The following MIB1 variants were observed in gnomAD, a reference collection of about 807,000 sequenced individuals.
MIB1 encodes the protein E3 ubiquitin-protein ligase MIB1.
In MIB1, 278 loss-of-function variants were observed where a neutral mutation model predicts 124.5. The observed-to-expected ratio is 2.23, with a 90% CI of 2.02 to 2.47. The LOEUF is 2.47. Among genes scored for constraint, MIB1 ranks in the 30% most tolerant of loss-of-function variants. MIB1 has a pLI of 0.00. For synonymous variants in MIB1, 446 were observed against 429.4 expected, an observed-to-expected ratio of 1.04 and a Z score of -0.48; for missense variants, 957 against 1,254.4, an observed-to-expected ratio of 0.76 and a Z score of 3.58.
chr18:21,756,356 A>G (rs2041030867), intron 1 of MIB1, among the ~76,000 whole-genome samples: 1 of 152,172 alleles, frequency 6.6e-6, no homozygotes, highest in African/African-American at 2.4e-5. Flanking sequence ...TTCATTCATC[A>G]CCTGTAAAAT....
intron 6 of MIB1, among the ~76,000 whole-genome samples, chr18:21,783,032 G>GT (rs1389141770): frequency 1.3e-5 from 2 of 152,034 alleles, no homozygotes; most frequent in Non-Finnish European, 2.9e-5. Flanking sequence ...ACTTTTGTCT[G>GT]TTTTTACAGT....
chr18:21,807,393 C>T (rs1179799516), intron 10 of MIB1, among the ~76,000 whole-genome samples: 1 of 152,176 alleles, frequency 6.6e-6, no homozygotes, highest in Non-Finnish European at 1.5e-5. Flanking sequence ...AATTGCACCA[C>T]TGCACTCCAG....
At chr18:21,794,579 T>G (rs2041552472) in intron 7 of MIB1, among the ~76,000 whole-genome samples, 1 of 151,910 alleles carries the variant, frequency 6.6e-6, no homozygotes, top group African/African-American at 2.4e-5. Flanking sequence ...AGAAAACAAT[T>G]TGAAACTAAA....
At chr18:21,708,114 G>C (rs1247418759) in intron 1 of MIB1, among the ~76,000 whole-genome samples, 1 of 152,156 alleles carries the variant, frequency 6.6e-6, no homozygotes, top group East Asian at 1.9e-4. Flanking sequence ...AGGGGCTAGG[G>C]CTCCAACATG....
intron 11 of MIB1, among the ~76,000 whole-genome samples, chr18:21,818,016 C>G (rs149921031): frequency 6.6e-6 from 1 of 152,268 alleles, no homozygotes; most frequent in Non-Finnish European, 1.5e-5. Context: ...ACTGCTAAGT[C>G]AATTGATTAA....
intron 9 of MIB1, among the ~76,000 whole-genome samples, chr18:21,802,069 T>C (rs1350725471): frequency 6.6e-6 from 1 of 152,310 alleles, no homozygotes; most frequent in East Asian, 1.9e-4. Context: ...AGTTTTAGAT[T>C]GGAATAGAGT....
chr18:21,836,255 C>T (rs879354521), intron 12 of MIB1, among the ~76,000 whole-genome samples: 53 of 150,318 alleles, frequency 3.5e-4, no homozygotes, highest in Non-Finnish European at 7.1e-4. Flanking sequence ...GAAACTTTGT[C>T]TCAGAAAAAA....
chr18:21,766,399 A>G (rs2041159904), intron 2 of MIB1, among the ~76,000 whole-genome samples: 1 of 152,208 alleles, frequency 6.6e-6, no homozygotes, highest in Non-Finnish European at 1.5e-5. Flanking sequence ...GGAGTTTACA[A>G]ATTAAAGGAA....
chr18:21,805,900 C>CT (rs35904303), intron 10 of MIB1, among the ~76,000 whole-genome samples: 5,246 of 105,076 alleles, frequency 0.05, 500 homozygotes, highest in African/African-American at 0.15. Context: ...TCTTTCTTTC[C>CT]TTTTTTTTTT....
At chr18:21,822,167 A>ATT (rs543101588) in intron 12 of MIB1, among the ~76,000 whole-genome samples, 28 of 152,340 alleles carry the variant, frequency 1.8e-4, no homozygotes, top group South Asian at 8.3e-4. Context: ...ATTACTTCAG[A>ATT]TTACAATGGT....
At chr18:21,761,396 T>C (rs2041096268) in intron 1 of MIB1, among the ~76,000 whole-genome samples, 1 of 152,202 alleles carries the variant, frequency 6.6e-6, no homozygotes, top group Non-Finnish European at 1.5e-5. Flanking sequence ...TTTTTTAAAA[T>C]TCACACTTTA....
intron 10 of MIB1, among the ~76,000 whole-genome samples, chr18:21,809,342 G>C (rs938587374): frequency 6.6e-6 from 1 of 151,974 alleles, no homozygotes; most frequent in Admixed American, 6.6e-5. Context: ...ATTTAAAAAA[G>C]AACTAATATT....
chr18:21,784,767 C>T (rs535400347), intron 6 of MIB1, among the ~76,000 whole-genome samples: 5 of 152,238 alleles, frequency 3.3e-5, no homozygotes, highest in South Asian at 2.1e-4. Context: ...CTAGTGGTAA[C>T]GCCAGTGCCT....
chr18:21,801,901 C>G (rs2041654429), intron 9 of MIB1, among the ~76,000 whole-genome samples: 1 of 152,098 alleles, frequency 6.6e-6, no homozygotes, highest in Admixed American at 6.6e-5. Context: ...GTTCCCTTCT[C>G]TTCTCTCCTG....
intron 7 of MIB1, among the ~76,000 whole-genome samples, chr18:21,795,198 G>A (rs2041558844): frequency 6.7e-6 from 1 of 148,516 alleles, no homozygotes; most frequent in African/African-American, 2.5e-5. Flanking sequence ...CAAAATATTA[G>A]GAAAGAGTAA....
chr18:21,734,478 T>TTCTCTCTCTC (rs60128500), intron 1 of MIB1, among the ~76,000 whole-genome samples: 4 of 149,106 alleles, frequency 2.7e-5, no homozygotes, highest in African/African-American at 7.5e-5. Flanking sequence ...CTCTCTCTCT[T>TTCTCTCTCTC]TCTCTCTCTC....
chr18:21,712,384 G>A (rs960935835), intron 1 of MIB1, among the ~76,000 whole-genome samples: 3 of 152,072 alleles, frequency 2.0e-5, no homozygotes, highest in Non-Finnish European at 2.9e-5. Context: ...CAACCAATAC[G>A]ATAGAGATAG....
At chr18:21,836,690 A>G (rs1026571242) in intron 12 of MIB1, among the ~76,000 whole-genome samples, 8 of 152,142 alleles carry the variant, frequency 5.3e-5, no homozygotes, top group African/African-American at 1.9e-4. Context: ...TTATTTTTAC[A>G]TTTTGTTTTT....
Position 21,849,125 on chromosome 18 carries a change from A to G in MIB1, c.2394-71A>G, listed in dbSNP as rs2042160066. 3.1e-6 allele frequency: 3 copies of G among 973,786 alleles called. No individual in the cohort carries two copies. The Admixed American group carries it at 7.6e-5, about 25-fold the overall frequency. The allele number at this position is 973,786 out of a possible 1,614,324, so 60.3% of individuals were successfully genotyped here. The stretch of plus-strand genomic sequence containing the variant: ...TATGTATACTAATGATGCTCCAGGT[A>G]TATTTTAAAACATTTTAATTAGTGA... On this transcript the variant is annotated intron_variant, in intron 16 of 20. Transcript: ENST00000261537.
Sources: allele counts gnomAD v4.1 joint callset (sites outside exome capture counted in the v4.1 genomes callset), GRCh38; gene constraint gnomAD v4.1.1; transcripts MANE v1.5; gene names NCBI Gene and HGNC (gene_info 2026-07-23, HGNC 2026-07-21).